Variants in MPC1 observed in about 807,000 individuals in gnomAD.
MPC1 encodes HSPC040 protein.
In MPC1, 6 loss-of-function variants were observed where a neutral mutation model predicts 13.9. The ratio of observed to expected loss-of-function variants is 0.43; its 90% CI spans 0.24 to 0.85. The LOEUF is 0.85. Among genes scored for constraint, MPC1 ranks in the 40% least tolerant of loss-of-function variants. MPC1 has a pLI of 0.24. For synonymous variants in MPC1, 47 were observed against 50.5 expected, an observed-to-expected ratio of 0.93 and a Z score of 0.29; for missense variants, 115 against 143.3, an observed-to-expected ratio of 0.80 and a Z score of 1.01.
intron 1 of MPC1, 104 bp downstream of exon 1, chr6:166,382,702 C>T (rs1779847933): frequency 4.0e-6 from 5 of 1,240,988 alleles, no homozygotes; most frequent in Middle Eastern, 2.1e-4. Context: ...ACCCGCTGCC[C>T]GGGGCCACCG....
chr6:166,382,198 G>T (rs1367007086), intron 1 of MPC1, among the ~76,000 whole-genome samples: 2 of 152,068 alleles, frequency 1.3e-5, no homozygotes, highest in Non-Finnish European at 2.9e-5. Flanking sequence ...CACCCCTGCC[G>T]GGTCACCCTG....
intron 1 of MPC1, among the ~76,000 whole-genome samples, chr6:166,380,939 C>CAAAAAAAAAAAAAAA (rs1175434820): frequency 4.2e-5 from 2 of 47,728 alleles, no homozygotes; most frequent in Admixed American, 2.3e-4. Flanking sequence ...AACTCTGTCT[C>CAAAAAAAAAAAAAAA]AAAAAAAAAA....
intron 1 of MPC1, among the ~76,000 whole-genome samples, chr6:166,381,509 A>G (rs1250556289): frequency 6.6e-6 from 1 of 152,172 alleles, no homozygotes; most frequent in Non-Finnish European, 1.5e-5. Flanking sequence ...TCTTGACCAC[A>G]CTATTAACTA....
chr6:166,370,673 G>A (rs1779345589), intron 1 of MPC1, among the ~76,000 whole-genome samples: 1 of 152,130 alleles, frequency 6.6e-6, no homozygotes. Context: ...GGGCAACATA[G>A]TGAGACCCCA....
At chr6:166,373,876 CT>C (rs35332402) in intron 1 of MPC1, among the ~76,000 whole-genome samples, 100,826 of 152,086 alleles carry the variant, frequency 0.66, 34,865 homozygotes, top group East Asian at 0.94. Flanking sequence ...GGCAGAGCTT[CT>C]TTTCATATGC....
intron 1 of MPC1, among the ~76,000 whole-genome samples, chr6:166,374,627 C>T (rs1476749495): frequency 6.6e-6 from 1 of 152,136 alleles, no homozygotes; most frequent in Admixed American, 6.5e-5. Context: ...TGTCTACATT[C>T]GTTTCTGTTT....
intron 1 of MPC1, among the ~76,000 whole-genome samples, chr6:166,378,139 T>C (rs1373835277): frequency 2.6e-5 from 4 of 152,266 alleles, no homozygotes; most frequent in Non-Finnish European, 5.9e-5. Flanking sequence ...CTGGAATTTC[T>C]AAGGCCTGTT....
At position 166,382,896 on chromosome 6, in the gene MPC1, C is replaced by A. The variant is rs762336418; in HGVS notation, c.-20G>T. ...CGCCATGGCTGTGCCGACACCAGAC[C>A]CCGAGTGGTCCCTGCCTCTGCTGCC... On this transcript the variant is annotated 5_prime_UTR_variant, in exon 1 of 5. Transcript: ENST00000360961. 6 of 1,587,824 alleles carry A rather than the reference C, an allele frequency of 3.8e-6. No individual in the cohort carries two copies. The East Asian group carries it at 1.4e-4, about 38-fold the overall frequency.
At position 166,382,936 on chromosome 6, in the gene MPC1, A is replaced by C. The variant is rs1298989810; in HGVS notation, c.-60T>G. The C allele has an allele frequency of 6.5e-7, 1 of 1,534,494 alleles. No homozygotes were observed. ...CCTCTGCTGCCGCTTCCCAGAGCCAATGACACCCCGGCCAACCCCCCGGCA... is the reference window on the plus strand; with the variant it reads ...CCTCTGCTGCCGCTTCCCAGAGCCACTGACACCCCGGCCAACCCCCCGGCA... On this transcript the variant is annotated 5_prime_UTR_variant, in exon 1 of 5. Coordinates refer to ENST00000360961, the MANE Select transcript of MPC1 (RefSeq NM_016098.4).
In MPC1 at chr6:166,370,317, C is replaced by T. The variant is rs1779332215; in HGVS notation, c.72-96G>A. ...TTTTGGTCTTATTAGGTTACTGCAACCTCACACCTGTATTCAAATTTCAGT... is the reference window on the plus strand; with the variant it reads ...TTTTGGTCTTATTAGGTTACTGCAATCTCACACCTGTATTCAAATTTCAGT... On this transcript the variant is annotated intron_variant, in intron 1 of 4. Coordinates refer to ENST00000360961, the MANE Select transcript of MPC1 (RefSeq NM_016098.4). 4.5e-6 allele frequency: 3 copies of T among 660,466 alleles called. No individual in the cohort carries two copies. The South Asian group carries it at 5.3e-5, about 12-fold the overall frequency. 40.9% of individuals were successfully genotyped at this position (660,466 alleles called of 1,614,324 possible).
At chr6:166,381,276 T>A (rs1779771145) in intron 1 of MPC1, among the ~76,000 whole-genome samples, 1 of 152,212 alleles carries the variant, frequency 6.6e-6, no homozygotes, top group Non-Finnish European at 1.5e-5. Flanking sequence ...TAGAAATGTC[T>A]TTTTTTGAAA....
chr6:166,374,537 C>G (rs1053563563), intron 1 of MPC1, among the ~76,000 whole-genome samples: 2 of 152,130 alleles, frequency 1.3e-5, no homozygotes, highest in Non-Finnish European at 2.9e-5. Flanking sequence ...AAATTATCTG[C>G]TAGGAGTTTC....
At position 166,365,890 on chromosome 6, in the gene MPC1, A is replaced by G; in HGVS notation, c.305+84T>C. The G allele has an allele frequency of 6.5e-7, 1 of 1,547,836 alleles. No individual in the cohort carries two copies. The highest frequency in any genetic ancestry group is 8.8e-7 in the Non-Finnish European group (1 of 1,139,872). On this transcript the variant is annotated intron_variant, in intron 4 of 4. Transcript: ENST00000360961. This position sits in a 1 kb window ranked among gnomAD's most constrained non-coding sequence, Gnocchi z 4.2. ...TCTATACACACTCCAGTCCCGCAGC[A>G]CTCCCTCAGAAAAGATTTTAGTTTC...
rs928628867 is a variant in MPC1 at position 166,366,703 on chromosome 6, T to C, written c.172+92A>G. On this transcript the variant is annotated intron_variant, in intron 3 of 4. Coordinates refer to ENST00000360961, the MANE Select transcript of MPC1 (RefSeq NM_016098.4). ...CATTCTGTATGTGACTTTCTAATAGTGACTGTAACATCTAGTGCTACAATC... is the reference window on the plus strand; with the variant it reads ...CATTCTGTATGTGACTTTCTAATAGCGACTGTAACATCTAGTGCTACAATC... The C allele has an allele frequency of 5.0e-6, 6 of 1,206,660 alleles. No individual in the cohort carries two copies. In the Admixed American group the frequency reaches 1.1e-4, roughly 21 times the overall value. The allele number at this position is 1,206,660 out of a possible 1,614,324, so 74.7% of individuals were successfully genotyped here.
intron 2 of MPC1, 111 bp from the exon 3 acceptor site, chr6:166,367,002 T>G: frequency 6.4e-7 from 1 of 1,568,968 alleles, no homozygotes; most frequent in East Asian, 2.3e-5. Context: ...TGAGAACAAA[T>G]CTTCGTTTCC....
At chr6:166,372,146 C>A (rs1779403645) in intron 1 of MPC1, among the ~76,000 whole-genome samples, 1 of 152,184 alleles carries the variant, frequency 6.6e-6, no homozygotes, top group South Asian at 2.1e-4. Context: ...AACAGTCAGT[C>A]ACCTACGGCA....
chr6:166,382,939 A>T lies in MPC1; in HGVS notation c.-63T>A, dbSNP rs1307877418. 6.6e-7 allele frequency: 1 copy of T among 1,519,236 alleles called. No individual in the cohort carries two copies. The highest frequency in any genetic ancestry group is 2.6e-5 in the East Asian group (1 of 38,048). 94.1% of individuals were successfully genotyped at this position (1,519,236 alleles called of 1,614,324 possible). A position where few individuals can be genotyped will look rare whatever the true frequency, so the allele number is the denominator to read the frequency against. On this transcript the variant is annotated 5_prime_UTR_variant, in exon 1 of 5. Coordinates refer to ENST00000360961, the MANE Select transcript of MPC1 (RefSeq NM_016098.4). ...CTGCTGCCGCTTCCCAGAGCCAATG[A>T]CACCCCGGCCAACCCCCCGGCAGCC...
chr6:166,380,254 T>C (rs1322750925), intron 1 of MPC1, among the ~76,000 whole-genome samples: 1 of 152,228 alleles, frequency 6.6e-6, no homozygotes, highest in Non-Finnish European at 1.5e-5. Flanking sequence ...CTTATCCAAT[T>C]TAATTTTCTT....
intron 1 of MPC1, among the ~76,000 whole-genome samples, chr6:166,382,394 G>T (rs1040616571): frequency 6.6e-6 from 1 of 151,456 alleles, no homozygotes; most frequent in Non-Finnish European, 1.5e-5. Context: ...GACGCCCACC[G>T]TCACCCACTC....
Sources: gnomAD v4.1 joint callset for allele counts (sites outside exome capture counted in the v4.1 genomes callset) on GRCh38, gnomAD v4.1.1 for gene constraint, Gnocchi (gnomAD v3.1) non-coding constraint, MANE v1.5 for transcripts, NCBI Gene and HGNC (gene_info 2026-07-23, HGNC 2026-07-21) for gene names.